The following STOX1 variants were observed in gnomAD, a reference collection of about 807,000 sequenced individuals.
STOX1 encodes the protein storkhead box 1, also known as storkhead-box protein 1.
In STOX1, 57 loss-of-function variants were observed where a neutral mutation model predicts 74.8. The observed-to-expected ratio is 0.76, with a 90% CI of 0.62 to 0.95. STOX1 has a LOEUF of 0.95. STOX1 is among the 40% of genes least tolerant of loss of function. The pLI is 0.00. For synonymous variants in STOX1, 375 were observed against 401.3 expected (o/e 0.93, Z 0.78); for missense variants, 1,010 against 1,117.0 (o/e 0.90, Z 1.37).
chr10:68,871,134 C>T (rs941666420), intron 1 of STOX1, among the ~76,000 whole-genome samples: 4 of 152,096 alleles, frequency 2.6e-5, no homozygotes, highest in Admixed American at 6.6e-5. Context: ...AATGTGGATT[C>T]GTTTTAGTAT....
chr10:68,853,704 G>C lies in STOX1; in HGVS notation c.310+25771G>C, dbSNP rs1351630826. On this transcript the variant is annotated intron_variant, in intron 1 of 3. Transcript: ENST00000298596. ...TTTTGTTTTTTGTTTTTTGTTTTTTGAGACGGAGTTTCACTCTTGCTGCCA... is the reference window on the plus strand; with the variant it reads ...TTTTGTTTTTTGTTTTTTGTTTTTTCAGACGGAGTTTCACTCTTGCTGCCA... 4.7e-5 allele frequency among the ~76,000 whole-genome samples: 7 copies of C among 149,218 alleles called. No individual in the cohort carries two copies. In the East Asian group the frequency reaches 1.4e-3, roughly 29 times the overall value.
At chr10:68,861,218 C>T (rs993524505) in intron 1 of STOX1, among the ~76,000 whole-genome samples, 24 of 152,088 alleles carry the variant, frequency 1.6e-4, no homozygotes, top group African/African-American at 5.8e-4. Context: ...GAGCCTCAAA[C>T]AGAGTTTGAC....
At chr10:68,833,066 A>T (rs1839450773) in intron 1 of STOX1, among the ~76,000 whole-genome samples, 1 of 147,746 alleles carries the variant, frequency 6.8e-6, no homozygotes, top group Non-Finnish European at 1.5e-5. Context: ...CACCTTGCCT[A>T]GCCACTTCTG....
At chr10:68,845,422 T>C (rs1196570026) in intron 1 of STOX1, among the ~76,000 whole-genome samples, 10 of 151,310 alleles carry the variant, frequency 6.6e-5, no homozygotes, top group East Asian at 2.0e-4. Context: ...TACAGGCGCC[T>C]GCCACCATGC....
chr10:68,884,638 A>G lies in STOX1; in HGVS notation c.842A>G (p.Asn281Ser). The change falls in exon 3 of 4, where the codon AAT becomes AGT. Residue 281 changes from asparagine (N) to serine (S), a missense_variant. By Grantham distance (46) the Asn-to-Ser change is conservative (BLOSUM62 1). Coordinates refer to ENST00000298596, the MANE Select transcript of STOX1 (RefSeq NM_152709.5). ...GLGESVSWVQNGAVSVSAEHH... is the reference protein window; with the variant it reads ...GLGESVSWVQSGAVSVSAEHH... ...GGGGAATCCGTATCTTGGGTACAGA[A>G]TGGGGCAGTTTCAGTGTCTGCGGAG... 1 of 1,614,090 alleles carries G rather than the reference A, an allele frequency of 6.2e-7. No individual in the cohort carries two copies. Among genetic ancestry groups the G allele is most frequent in the Middle Eastern group, 1.6e-4 (1 of 6,062 alleles).
rs1694475 is a variant in STOX1 at position 68,854,488 on chromosome 10, G to A, written c.310+26555G>A. 3.2e-3 allele frequency among the ~76,000 whole-genome samples: 486 copies of A among 152,056 alleles called. 1 individual carries two copies. Among genetic ancestry groups the A allele is most frequent in the Middle Eastern group, 6.8e-3 (2 of 294 alleles). On this transcript the variant is annotated intron_variant, in intron 1 of 3. Coordinates refer to ENST00000298596, the MANE Select transcript of STOX1 (RefSeq NM_152709.5). ...ATTTTTGTTATTTTTAGTAGAGATT[G>A]GGTTTCACCATGTTGTCCAGGCTGA...
Position 68,855,964 on chromosome 10 carries a change from G to T in STOX1, c.311-25994G>T, listed in dbSNP as rs552461271. ...GTGTGCAAGATGTTATGTGTGGACC[G>T]TATGTGAGCTGGGACCATCCCCTAC... On this transcript the variant is annotated intron_variant, in intron 1 of 3. Transcript: ENST00000298596. Among the ~76,000 whole-genome samples, 222 of 152,132 alleles carry T rather than the reference G, an allele frequency of 1.5e-3. 3 individuals carry two copies. Among genetic ancestry groups the T allele is most frequent in the African/African-American group, 5.1e-3 (211 of 41,426 alleles).
chr10:68,860,787 G>A (rs1015185367), intron 1 of STOX1, among the ~76,000 whole-genome samples: 1 of 152,018 alleles, frequency 6.6e-6, no homozygotes, highest in Non-Finnish European at 1.5e-5. Context: ...GGGCCACTGA[G>A]GTATGCCTCT....
At chr10:68,848,141 G>T (rs919524679) in intron 1 of STOX1, among the ~76,000 whole-genome samples, 1 of 151,040 alleles carries the variant, frequency 6.6e-6, no homozygotes, top group Non-Finnish European at 1.5e-5. Flanking sequence ...GCCCTGACCT[G>T]GGTGCCAGGT....
chr10:68,847,238 A>G (rs1211095683), intron 1 of STOX1, among the ~76,000 whole-genome samples: 1 of 152,222 alleles, frequency 6.6e-6, no homozygotes, highest in East Asian at 1.9e-4. Context: ...GAGGAGAATT[A>G]GAACATCTGT....
At chr10:68,861,201 G>C (rs1296258799) in intron 1 of STOX1, among the ~76,000 whole-genome samples, 1 of 152,126 alleles carries the variant, frequency 6.6e-6, no homozygotes, top group African/African-American at 2.4e-5. Flanking sequence ...ACAGCCTTCA[G>C]AGCTGAGAGC....
Position 68,866,437 on chromosome 10 carries a change from C to T in STOX1, c.311-15521C>T, listed in dbSNP as rs529883782. On this transcript the variant is annotated intron_variant, in intron 1 of 3. Transcript: ENST00000298596. ...TCCGTAATTTGATTTACCCAGTAGGCGGTTTTCCCTTGTTTATTTGTACTG... is the reference window on the plus strand; with the variant it reads ...TCCGTAATTTGATTTACCCAGTAGGTGGTTTTCCCTTGTTTATTTGTACTG... Among the ~76,000 whole-genome samples, 7 of 152,256 alleles carry T rather than the reference C, an allele frequency of 4.6e-5. No individual in the cohort carries two copies. In the South Asian group the frequency reaches 8.3e-4, roughly 18 times the overall value.
At chr10:68,869,387 A>G (rs1188034937) in intron 1 of STOX1, among the ~76,000 whole-genome samples, 1 of 152,220 alleles carries the variant, frequency 6.6e-6, no homozygotes, top group East Asian at 1.9e-4. Flanking sequence ...GTCTGATGCT[A>G]AACAATGGTA....
At position 68,851,122 on chromosome 10, in the gene STOX1, C is replaced by T. The variant is rs183070028; in HGVS notation, c.310+23189C>T. On this transcript the variant is annotated intron_variant, in intron 1 of 3. Transcript: ENST00000298596. ...AGGAGTTAGAGACCAGCCTGGGCAA[C>T]ATAGGGAGGAGCCTATCTCCACAAA... 2.8e-3 allele frequency among the ~76,000 whole-genome samples: 431 copies of T among 151,646 alleles called. 1 individual carries two copies. Among genetic ancestry groups the T allele is most frequent in the Non-Finnish European group, 4.1e-3 (280 of 67,890 alleles).
rs143487071 is a variant in STOX1, at chr10:68,848,158, T to C, written c.310+20225T>C. On this transcript the variant is annotated intron_variant, in intron 1 of 3. Coordinates refer to ENST00000298596, the MANE Select transcript of STOX1 (RefSeq NM_152709.5). ...CCTGACCTGGGTGCCAGGTGGGAGA[T>C]AGTGAGGGACACTAGGTCCTGTTGC... Among the ~76,000 whole-genome samples the C allele has an allele frequency of 2.6e-3, 357 of 134,966 alleles. 2 individuals are homozygous for C. Among genetic ancestry groups the C allele is most frequent in the African/African-American group, 9.1e-3 (349 of 38,252 alleles). 88.5% of individuals were successfully genotyped at this position (134,966 alleles called of 152,430 possible).
At chr10:68,882,644 G>A (rs957428606) in intron 2 of STOX1, among the ~76,000 whole-genome samples, 4 of 151,776 alleles carry the variant, frequency 2.6e-5, no homozygotes, top group Non-Finnish European at 5.9e-5. Context: ...GATTACAGGC[G>A]CCTGCCAGCA....
chr10:68,842,022 T>A (rs971415660), intron 1 of STOX1, among the ~76,000 whole-genome samples: 2 of 151,994 alleles, frequency 1.3e-5, no homozygotes, highest in African/African-American at 4.8e-5. Context: ...TGTTGGAGGA[T>A]CATGGAAAGA....
At chr10:68,840,881 T>C (rs1839675796) in intron 1 of STOX1, among the ~76,000 whole-genome samples, 1 of 150,764 alleles carries the variant, frequency 6.6e-6, no homozygotes, top group Admixed American at 6.6e-5. Context: ...GTTTTATCTC[T>C]GGTATGGAAT....
At chr10:68,881,816 G>A (rs1258552035) in intron 1 of STOX1, 142 bp from the exon 2 acceptor site, 1 of 931,086 alleles carries the variant, frequency 1.1e-6, no homozygotes, top group Non-Finnish European at 1.7e-6. Flanking sequence ...TACATGTCAT[G>A]TTAACAGATT....
Sources: allele counts gnomAD v4.1 joint callset (sites outside exome capture counted in the v4.1 genomes callset), GRCh38; gene constraint gnomAD v4.1.1; transcripts MANE v1.5; gene names NCBI Gene and HGNC (gene_info 2026-07-23, HGNC 2026-07-21).